The following FUT8 variants were observed in gnomAD, a reference collection of about 807,000 sequenced individuals.
FUT8 encodes fucosyltransferase 8.
FUT8 carries 29 observed loss-of-function variants against 71.3 expected under a neutral mutation model. That is an observed-to-expected ratio of 0.41 (90% CI 0.30 to 0.55). The LOEUF is 0.55. FUT8 is among the 20% of genes least tolerant of loss of function. FUT8 has a pLI of 0.34. For synonymous variants in FUT8, 254 were observed against 239.3 expected, an observed-to-expected ratio of 1.06 and a Z score of -0.57; for missense variants, 544 against 702.1, an observed-to-expected ratio of 0.77 and a Z score of 2.55.
intron 2 of FUT8, among the ~76,000 whole-genome samples, chr14:65,456,431 C>T (rs1018756357): frequency 7.9e-5 from 12 of 152,076 alleles, no homozygotes; most frequent in Non-Finnish European, 1.6e-4. Context: ...AGTAGTTTGT[C>T]CTTTTTTATT....
chr14:65,689,197 C>T (rs1893453052), intron 7 of FUT8, among the ~76,000 whole-genome samples: 1 of 152,172 alleles, frequency 6.6e-6, no homozygotes, highest in Non-Finnish European at 1.5e-5. Context: ...AGATTTTAGC[C>T]ATTCTAATAG....
At chr14:65,458,759 CT>C (rs995789859) in intron 2 of FUT8, among the ~76,000 whole-genome samples, 116 of 149,678 alleles carry the variant, frequency 7.7e-4, no homozygotes, top group Non-Finnish European at 1.2e-3. Flanking sequence ...TCTTTAAAAC[CT>C]TTTTTTCCTT....
chr14:65,537,762 C>T (rs1884428698), intron 2 of FUT8, among the ~76,000 whole-genome samples: 1 of 152,160 alleles, frequency 6.6e-6, no homozygotes, highest in Admixed American at 6.5e-5. Context: ...AAGTTGCTGT[C>T]ATAAGAATGG....
chr14:65,530,810 T>A (rs1248675887), intron 2 of FUT8, among the ~76,000 whole-genome samples: 1 of 150,740 alleles, frequency 6.6e-6, no homozygotes, highest in East Asian at 2.0e-4. Context: ...TCTCTCTCGC[T>A]CTTTCTCTCT....
intron 7 of FUT8, among the ~76,000 whole-genome samples, chr14:65,716,932 G>A (rs1326032670): frequency 3.4e-4 from 45 of 131,566 alleles, no homozygotes; most frequent in Non-Finnish European, 5.7e-4. Context: ...TGGGGCGGCC[G>A]GGCAGAGGCA....
chr14:65,573,537 A>G (rs1454720035), intron 3 of FUT8, among the ~76,000 whole-genome samples: 1 of 152,090 alleles, frequency 6.6e-6, no homozygotes, highest in Admixed American at 6.6e-5. Context: ...AGCTTAGCGA[A>G]AGGCACTGGA....
At chr14:65,549,096 G>A (rs1033186057) in intron 2 of FUT8, among the ~76,000 whole-genome samples, 1 of 152,158 alleles carries the variant, frequency 6.6e-6, no homozygotes, top group Non-Finnish European at 1.5e-5. Context: ...TAGGGAGATT[G>A]TGGATCAACA....
chr14:65,409,117 G>T (rs749365611), upstream of FUT8, among the ~76,000 whole-genome samples: 8 of 152,194 alleles, frequency 5.3e-5, no homozygotes, highest in Non-Finnish European at 1.0e-4. This position sits in a 1 kb window ranked among gnomAD's most constrained non-coding sequence, Gnocchi z 5.4. Context: ...CTGAGGCCCA[G>T]ATGGGTAAAA....
intron 1 of FUT8, among the ~76,000 whole-genome samples, chr14:65,430,673 T>C (rs1477675421): frequency 6.6e-6 from 1 of 152,222 alleles, no homozygotes; most frequent in East Asian, 1.9e-4. Flanking sequence ...TACTTTGATA[T>C]TTGTACAGAG....
chr14:65,625,615 A>G (rs1889858498), intron 5 of FUT8, among the ~76,000 whole-genome samples: 1 of 152,236 alleles, frequency 6.6e-6, no homozygotes, highest in African/African-American at 2.4e-5. Context: ...AAGGGTGAAA[A>G]TGGAAGTAGA....
At position 65,413,209 on chromosome 14, in the gene FUT8, C is replaced by T. The variant is rs2065163671; in HGVS notation, c.-331C>T. The T allele has an allele frequency of 6.5e-6, 1 of 152,842 alleles. No individual in the cohort carries two copies. Among genetic ancestry groups the T allele is most frequent in the South Asian group, 2.1e-4 (1 of 4,838 alleles). 9.5% of individuals were successfully genotyped at this position (152,842 alleles called of 1,614,324 possible). A position where few individuals can be genotyped will look rare whatever the true frequency, so the allele number is the denominator to read the frequency against. Reference sequence around the variant, plus strand: ...GCGGCGGAGACCGCCTCTGCTCCCGCCTGGGGTAAGGGGGCGTTTTGGGAG... The same window carrying T: ...GCGGCGGAGACCGCCTCTGCTCCCGTCTGGGGTAAGGGGGCGTTTTGGGAG... On this transcript the variant is annotated 5_prime_UTR_variant, in exon 1 of 11. Coordinates refer to ENST00000673929, the MANE Select transcript of FUT8 (RefSeq NM_001371533.1). The surrounding 1 kb of genome is among the most constrained non-coding windows in gnomAD (Gnocchi z 4.1).
Position 65,669,111 on chromosome 14 carries a change from C to T in FUT8, c.598-132C>T. 3.0e-6 allele frequency: 2 copies of T among 664,186 alleles called. No homozygotes were observed. Among genetic ancestry groups the T allele is most frequent in the South Asian group, 2.0e-5 (1 of 51,092 alleles). The allele number at this position is 664,186 out of a possible 1,614,324, so 41.1% of individuals were successfully genotyped here. ...GATTACTTGGGGTGTATACCAAACCCCACGACACACAATTTATCTATAGAA... is the reference window on the plus strand; with the variant it reads ...GATTACTTGGGGTGTATACCAAACCTCACGACACACAATTTATCTATAGAA... On this transcript the variant is annotated intron_variant, in intron 6 of 10. Coordinates refer to ENST00000673929, the MANE Select transcript of FUT8 (RefSeq NM_001371533.1). This position sits in a 1 kb window ranked among gnomAD's most constrained non-coding sequence, Gnocchi z 4.5.
chr14:65,470,879 C>A (rs915672640), intron 2 of FUT8, among the ~76,000 whole-genome samples: 3 of 151,856 alleles, frequency 2.0e-5, no homozygotes, highest in African/African-American at 4.8e-5. Context: ...CAGAGGGCGG[C>A]GGGCTGTTGA....
the FUT8 span, among the ~76,000 whole-genome samples, chr14:65,404,663 CG>C: frequency 1.3e-5 from 2 of 151,796 alleles, no homozygotes; most frequent in Non-Finnish European, 2.9e-5. Context: ...TTAGTAGAGA[CG>C]GGGTTTCACC....
At chr14:65,732,297 AG>A (rs762413711) in intron 9 of FUT8, among the ~76,000 whole-genome samples, 1 of 152,216 alleles carries the variant, frequency 6.6e-6, no homozygotes, top group Non-Finnish European at 1.5e-5. Context: ...TTAGGGGATT[AG>A]GGAAAGTCCC....
intron 6 of FUT8, among the ~76,000 whole-genome samples, chr14:65,658,221 C>T (rs1480417984): frequency 6.6e-6 from 1 of 152,016 alleles, no homozygotes; most frequent in Non-Finnish European, 1.5e-5. Context: ...GTTAAAAAAT[C>T]ATTAGTTATT....
chr14:65,483,544 T>G lies in FUT8; in HGVS notation c.-228+27826T>G, dbSNP rs2066363158. Among the ~76,000 whole-genome samples the G allele has an allele frequency of 6.6e-6, 1 of 152,232 alleles. No homozygotes were observed. The highest frequency in any genetic ancestry group is 2.4e-5 in the African/African-American group (1 of 41,466). ...TGAATTTGAGGGACAGTTGACATCT[T>G]AACGATATCAAGTCTTCTGACTCAT... On this transcript the variant is annotated intron_variant, in intron 2 of 10. Transcript: ENST00000673929. The surrounding 1 kb of genome is among the most constrained non-coding windows in gnomAD (Gnocchi z 4.4).
chr14:65,378,641 G>A, the FUT8 span, among the ~76,000 whole-genome samples: 62 of 152,126 alleles, frequency 4.1e-4, no homozygotes, highest in African/African-American at 1.4e-3. Context: ...CCACTTTAAA[G>A]TTTCACATTA....
intron 6 of FUT8, among the ~76,000 whole-genome samples, chr14:65,664,768 C>A (rs1566883127): frequency 6.6e-6 from 1 of 152,050 alleles, no homozygotes; most frequent in African/African-American, 2.4e-5. Context: ...TTATTCAAGG[C>A]TCATATAAAT....
Sources: gnomAD v4.1 joint callset for allele counts (sites outside exome capture counted in the v4.1 genomes callset) on GRCh38, gnomAD v4.1.1 for gene constraint, Gnocchi (gnomAD v3.1) non-coding constraint, MANE v1.5 for transcripts, NCBI Gene and HGNC (gene_info 2026-07-23, HGNC 2026-07-21) for gene names.